The following KDELR3 variants were observed in gnomAD, a reference collection of about 807,000 sequenced individuals.
KDELR3 encodes the protein ER lumen protein-retaining receptor 3.
KDELR3 carries 26 observed loss-of-function variants against 22.7 expected under a neutral mutation model. The observed-to-expected ratio is 1.15, with a 90% confidence interval of 0.84 to 1.59. The LOEUF is 1.59. Ranked by LOEUF, KDELR3 falls within the 40% of genes most tolerant of loss-of-function variation. KDELR3 has a pLI of 0.00. For synonymous variants in KDELR3, 120 were observed against 98.2 expected (o/e 1.22, Z -1.31); for missense variants, 289 against 251.1 (o/e 1.15, Z -1.02).
intron 1 of KDELR3, 123 bp downstream of exon 1, chr22:38,468,447 A>C: frequency 1.4e-6 from 1 of 711,522 alleles, no homozygotes; most frequent in Non-Finnish European, 2.4e-6. Context: ...GGGTCCTTGA[A>C]ACTTTGCGGA....
At chr22:38,478,076 G>C (rs758758052) in intron 2 of KDELR3, among the ~76,000 whole-genome samples, 8 of 152,038 alleles carry the variant, frequency 5.3e-5, no homozygotes, top group Non-Finnish European at 1.0e-4. Context: ...ATGTGATCAC[G>C]GGCTAAAATG....
At chr22:38,471,059 G>A (rs1242150842) in intron 1 of KDELR3, among the ~76,000 whole-genome samples, 2 of 152,030 alleles carry the variant, frequency 1.3e-5, no homozygotes, top group Non-Finnish European at 2.9e-5. Context: ...CAGGAGAATC[G>A]CTTGAACCTG....
chr22:38,475,687 C>T (rs566394231), intron 2 of KDELR3, among the ~76,000 whole-genome samples: 1 of 152,056 alleles, frequency 6.6e-6, no homozygotes, highest in South Asian at 2.1e-4. Flanking sequence ...AGTGCAGCAG[C>T]GCAATCTCAG....
rs141382122 is a variant in KDELR3 at position 38,470,784 on chromosome 22, G to A, written c.91+2460G>A. Among the ~76,000 whole-genome samples, 781 of 152,200 alleles carry A rather than the reference G, an allele frequency of 5.1e-3. 5 individuals carry two copies. Among genetic ancestry groups the A allele is most frequent in the African/African-American group, 0.017 (691 of 41,532 alleles). On this transcript the variant is annotated intron_variant, in intron 1 of 4. Transcript: ENST00000216014. ...AGGCTCACATTGTCCTCTGTGTCCC[G>A]GGTCTCCATGTGCAGCTTCCTGGTG... is the stretch of plus-strand genomic sequence containing the variant.
chr22:38,468,282 A>G lies in KDELR3; in HGVS notation c.49A>G (p.Ile17Val), dbSNP rs199996661. The change falls in exon 1 of 5, where the codon ATC becomes GTC. Residue 17 changes from isoleucine (I) to valine (V), a missense_variant. Physicochemically the swap from Ile to Val is conservative, Grantham distance 29. Coordinates refer to ENST00000216014, the MANE Select transcript of KDELR3 (RefSeq NM_006855.4). ...CGACCTGAGCCACCTCCTGGCCATGATCTTGCTGCTGGGGAAGATCTGGAG... is the reference window on the plus strand; with the variant it reads ...CGACCTGAGCCACCTCCTGGCCATGGTCTTGCTGCTGGGGAAGATCTGGAG... The part of the protein sequence containing the change: ...LGDLSHLLAM[I>V]LLLGKIWRSK... 172 of 1,613,686 alleles carry G rather than the reference A, an allele frequency of 1.1e-4. No homozygotes were observed. The highest frequency in any genetic ancestry group is 5.6e-5 in the Non-Finnish European group (66 of 1,179,924).
chr22:38,469,065 C>T (rs1399259773), intron 1 of KDELR3, among the ~76,000 whole-genome samples: 1 of 152,240 alleles, frequency 6.6e-6, no homozygotes, highest in African/African-American at 2.4e-5. Flanking sequence ...CAGGAGTGAG[C>T]TCAGGCTCCT....
rs375588035 is a variant in KDELR3 at position 38,474,960 on chromosome 22, G to A, written c.192+337G>A. Among the ~76,000 whole-genome samples, 51 of 151,528 alleles carry A rather than the reference G, an allele frequency of 3.4e-4. No homozygotes were observed. The East Asian group carries it at 7.8e-3, about 23-fold the overall frequency. On this transcript the variant is annotated intron_variant, in intron 2 of 4. Coordinates refer to ENST00000216014, the MANE Select transcript of KDELR3 (RefSeq NM_006855.4). The stretch of plus-strand genomic sequence containing the variant: ...CCGGGCGTGGTGGCTCATGCCTGCA[G>A]TCCCAGCTACTCAGGAGGCTGAGGC...
chr22:38,474,644 G>C (rs1178433206), intron 2 of KDELR3, 21 bp downstream of exon 2: 8 of 1,591,234 alleles, frequency 5.0e-6, no homozygotes, highest in Non-Finnish European at 6.9e-6. Flanking sequence ...GGGTGATGAT[G>C]GTTGGGGGAA....
chr22:38,481,346 C>A lies in KDELR3; in HGVS notation c.486C>A (p.Tyr162Ter), dbSNP rs1295050525. Residue 162 changes from tyrosine (Y) to a stop codon, truncating the protein, a stop_gained, in exon 4 of 5, where the codon TAC becomes TAA. Coordinates refer to ENST00000216014, the MANE Select transcript of KDELR3 (RefSeq NM_006855.4). LOFTEE classifies it high-confidence loss of function. ...TTCTGGGTCTGTACCGGGCACTCTA[C>A]CTGGCTAACTGGATCAGGCGGTACC... Reference protein sequence around the residue: ...LFFLGLYRALYLANWIRRYQT... With the variant: ...LFFLGLYRAL The A allele has an allele frequency of 4.3e-6, 7 of 1,614,170 alleles. No individual in the cohort carries two copies. The highest frequency in any genetic ancestry group is 5.9e-6 in the Non-Finnish European group (7 of 1,180,024).
chr22:38,479,993 G>A (rs367785792), intron 3 of KDELR3, among the ~76,000 whole-genome samples: 9 of 152,260 alleles, frequency 5.9e-5, no homozygotes, highest in East Asian at 3.9e-4. Context: ...CTGTTGAGAC[G>A]TTCTGTTCAA....
chr22:38,481,715 A>G (rs1439228283), intron 4 of KDELR3: 3 of 1,258,468 alleles, frequency 2.4e-6, no homozygotes, highest in Non-Finnish European at 2.1e-6. Flanking sequence ...TAGTAGTGAA[A>G]AACATTCCAG....
At chr22:38,472,705 G>C (rs1180607172) in intron 1 of KDELR3, among the ~76,000 whole-genome samples, 1 of 151,684 alleles carries the variant, frequency 6.6e-6, no homozygotes, top group Non-Finnish European at 1.5e-5. Context: ...GTTTTGTTTT[G>C]TTTTGTTTTT....
At chr22:38,468,508 C>T (rs73157131) in intron 1 of KDELR3, among the ~76,000 whole-genome samples, 184 bp downstream of exon 1, 6,847 of 152,208 alleles carry the variant, frequency 0.045, 217 homozygotes, top group East Asian at 0.092. Flanking sequence ...AGGAGGAGGA[C>T]CCCTCGAGAT....
chr22:38,481,297 C>T lies in KDELR3; in HGVS notation c.437C>T (p.Thr146Ile), dbSNP rs772491104. The change falls in exon 4 of 5, where the codon ACC becomes ATC. Residue 146 changes from threonine to isoleucine, a missense_variant. Transcript: ENST00000216014. ...ATCAGCAAGACTGGAGAGGCTGAGACCATAACTACTCACTACCTGTTCTTT... is the reference window on the plus strand; with the variant it reads ...ATCAGCAAGACTGGAGAGGCTGAGATCATAACTACTCACTACCTGTTCTTT... ...FMISKTGEAETITTHYLFFLG... is the reference protein window; with the variant it reads ...FMISKTGEAEIITTHYLFFLG... 3 of 1,614,152 alleles carry T rather than the reference C, an allele frequency of 1.9e-6. No individual in the cohort carries two copies. Among genetic ancestry groups the T allele is most frequent in the Non-Finnish European group, 2.5e-6 (3 of 1,180,016 alleles).
intron 3 of KDELR3, among the ~76,000 whole-genome samples, chr22:38,480,789 T>C (rs1410934605): frequency 6.6e-6 from 1 of 151,678 alleles, no homozygotes; most frequent in African/African-American, 2.4e-5. Context: ...TGGCTGGGTG[T>C]AGTGGCACAT....
chr22:38,479,523 C>T lies in KDELR3; in HGVS notation c.193-70C>T, dbSNP rs2089583377. ...AACACTGACCCTTAGGTTTGGTAGG[C>T]TAGGAGCGTAGTAAATAGGCCGGGA... On this transcript the variant is annotated intron_variant, in intron 2 of 4. Transcript: ENST00000216014. 6 of 1,427,702 alleles carry T rather than the reference C, an allele frequency of 4.2e-6. No individual in the cohort carries two copies. The South Asian group carries it at 7.1e-5, about 17-fold the overall frequency. The allele number at this position is 1,427,702 out of a possible 1,614,324, so 88.4% of individuals were successfully genotyped here.
In KDELR3 at chr22:38,468,119, A is replaced by G; in HGVS notation, c.-115A>G. Reference sequence around the variant, plus strand: ...GTGCGATCGCGGAGCTGTGAGGCGCAGGCAGGGCTCTGGGGCACCTAGAGA... The same window carrying G: ...GTGCGATCGCGGAGCTGTGAGGCGCGGGCAGGGCTCTGGGGCACCTAGAGA... On this transcript the variant is annotated 5_prime_UTR_variant, in exon 1 of 5. Transcript: ENST00000216014. 1.2e-6 allele frequency: 1 copy of G among 859,626 alleles called. No individual in the cohort carries two copies. The highest frequency in any genetic ancestry group is 1.9e-6 in the Non-Finnish European group (1 of 531,164). 53.2% of individuals were successfully genotyped at this position (859,626 alleles called of 1,614,324 possible). A position where few individuals can be genotyped will look rare whatever the true frequency, so the allele number is the denominator to read the frequency against.
chr22:38,471,399 C>T (rs1439247514), intron 1 of KDELR3, among the ~76,000 whole-genome samples: 1 of 152,208 alleles, frequency 6.6e-6, no homozygotes, highest in Non-Finnish European at 1.5e-5. Flanking sequence ...CAGAGCTGGC[C>T]TCAGGTCAGT....
chr22:38,471,606 C>G (rs1162453135), intron 1 of KDELR3, among the ~76,000 whole-genome samples: 1 of 152,192 alleles, frequency 6.6e-6, no homozygotes, highest in Non-Finnish European at 1.5e-5. Flanking sequence ...CGAGGCTCGC[C>G]CTAAAGCCAG....
Sources: gnomAD v4.1 joint callset for allele counts (sites outside exome capture counted in the v4.1 genomes callset) on GRCh38, gnomAD v4.1.1 for gene constraint, MANE v1.5 for transcripts, NCBI Gene and HGNC (gene_info 2026-07-23, HGNC 2026-07-21) for gene names.